The following TRPC4 variants were observed in gnomAD, a reference collection of about 807,000 sequenced individuals.
TRPC4 encodes the protein short transient receptor potential channel 4.
TRPC4 carries 49 observed loss-of-function variants against 99.4 expected under a neutral mutation model. The observed-to-expected ratio is 0.49, with a 90% CI of 0.39 to 0.63. TRPC4 has a LOEUF of 0.63. Ranked by LOEUF, TRPC4 falls within the 20% of genes least tolerant of loss-of-function variation. The probability of loss-of-function intolerance (pLI) is 0.00; values close to 1 mark genes in which losing one functional copy is unlikely to be tolerated. For missense variants in TRPC4, 898 were observed against 1,152.9 expected (o/e 0.78, Z 3.20); for synonymous variants, 454 against 425.9 (o/e 1.07, Z -0.81).
chr13:37,775,447 TG>T (rs1280907161), intron 2 of TRPC4, among the ~76,000 whole-genome samples: 11 of 151,448 alleles, frequency 7.3e-5, no homozygotes, highest in Admixed American at 4.6e-4. Context: ...AGGGTACATG[TG>T]CAGGTTTGTT....
intron 1 of TRPC4, among the ~76,000 whole-genome samples, chr13:37,832,157 GC>G (rs1958439443): frequency 6.6e-6 from 1 of 152,128 alleles, no homozygotes; most frequent in African/African-American, 2.4e-5. Flanking sequence ...ACAAATATAT[GC>G]AATCATTATT....
chr13:37,848,270 T>G (rs1958957948), intron 1 of TRPC4, among the ~76,000 whole-genome samples: 1 of 152,142 alleles, frequency 6.6e-6, no homozygotes. Context: ...ACATTAAATA[T>G]CTTAAATGCA....
At chr13:37,798,352 T>A (rs1299480336) in intron 1 of TRPC4, among the ~76,000 whole-genome samples, 3 of 152,120 alleles carry the variant, frequency 2.0e-5, no homozygotes, top group Admixed American at 6.6e-5. Context: ...AGGAATTAAA[T>A]TACCCAAATC....
chr13:37,769,268 C>T (rs545177988), intron 2 of TRPC4, among the ~76,000 whole-genome samples: 288 of 151,528 alleles, frequency 1.9e-3, no homozygotes, highest in African/African-American at 6.6e-3. Flanking sequence ...AGGTGGCAGT[C>T]TTTTCCTTAA....
intron 1 of TRPC4, among the ~76,000 whole-genome samples, chr13:37,806,446 A>C (rs2139453201): frequency 6.6e-6 from 1 of 152,164 alleles, no homozygotes; most frequent in East Asian, 1.9e-4. Flanking sequence ...AGAAAAACTT[A>C]GCTAAAATGC....
intron 3 of TRPC4, among the ~76,000 whole-genome samples, chr13:37,706,050 C>T (rs1016587607): frequency 5.9e-5 from 9 of 152,130 alleles, no homozygotes; most frequent in Admixed American, 1.3e-4. Context: ...CATACATTTA[C>T]AATTGCACCT....
At chr13:37,684,388 C>A (rs950741222) in intron 4 of TRPC4, among the ~76,000 whole-genome samples, 1 of 151,986 alleles carries the variant, frequency 6.6e-6, no homozygotes, top group Admixed American at 6.6e-5. Context: ...AGAAAGGATG[C>A]CATGTTAGTT....
At chr13:37,690,520 C>G (rs1953649462) in intron 4 of TRPC4, among the ~76,000 whole-genome samples, 1 of 152,132 alleles carries the variant, frequency 6.6e-6, no homozygotes, top group South Asian at 2.1e-4. Context: ...TACTCCAACT[C>G]CTGATCTCAA....
chr13:37,695,728 C>A (rs1162657634), intron 3 of TRPC4, among the ~76,000 whole-genome samples: 1 of 152,182 alleles, frequency 6.6e-6, no homozygotes, highest in African/African-American at 2.4e-5. Flanking sequence ...AAAGTCTGAT[C>A]TCATTATTAT....
At chr13:37,645,448 G>A (rs937373763) in intron 8 of TRPC4, among the ~76,000 whole-genome samples, 1 of 152,082 alleles carries the variant, frequency 6.6e-6, no homozygotes, top group Non-Finnish European at 1.5e-5. Context: ...CTCATTTCAT[G>A]TAGCTAGTCC....
chr13:37,750,235 A>G (rs1566142763), intron 2 of TRPC4, among the ~76,000 whole-genome samples: 2 of 151,996 alleles, frequency 1.3e-5, no homozygotes, highest in Non-Finnish European at 2.9e-5. Context: ...TGACATTTTT[A>G]TGGTTTCCAG....
chr13:37,818,587 A>G (rs57794519), intron 1 of TRPC4, among the ~76,000 whole-genome samples: 43,953 of 152,018 alleles, frequency 0.29, 6,573 homozygotes, highest in East Asian at 0.43. Flanking sequence ...TAAAGAAAAT[A>G]TGGCACATAT....
intron 10 of TRPC4, among the ~76,000 whole-genome samples, chr13:37,638,718 G>A (rs1305168488): frequency 1.3e-5 from 2 of 152,106 alleles, no homozygotes; most frequent in South Asian, 4.1e-4. Flanking sequence ...TGTTGTCAGT[G>A]TGTTAGTTAG....
At chr13:37,693,027 A>C (rs1292296831) in intron 3 of TRPC4, among the ~76,000 whole-genome samples, 1 of 151,884 alleles carries the variant, frequency 6.6e-6, no homozygotes, top group Non-Finnish European at 1.5e-5. Flanking sequence ...GCATCATTCT[A>C]TCCTGACAAC....
At chr13:37,861,231 A>G (rs1041899863) in intron 1 of TRPC4, among the ~76,000 whole-genome samples, 1 of 151,500 alleles carries the variant, frequency 6.6e-6, no homozygotes, top group Non-Finnish European at 1.5e-5. Context: ...CTTTTTCTCA[A>G]TTGGGTTGTA....
At chr13:37,781,066 G>A (rs1956826285) in intron 2 of TRPC4, among the ~76,000 whole-genome samples, 1 of 151,950 alleles carries the variant, frequency 6.6e-6, no homozygotes, top group African/African-American at 2.4e-5. Context: ...CTAGAGTTTA[G>A]TTCAGAAGTT....
At chr13:37,722,298 T>G (rs943991067) in intron 3 of TRPC4, among the ~76,000 whole-genome samples, 21 of 152,120 alleles carry the variant, frequency 1.4e-4, no homozygotes, top group African/African-American at 5.1e-4. Context: ...CACACTGGAG[T>G]CAAATCAATC....
chr13:37,776,678 C>A (rs1218901743), intron 2 of TRPC4, among the ~76,000 whole-genome samples: 1 of 151,884 alleles, frequency 6.6e-6, no homozygotes, highest in Non-Finnish European at 1.5e-5. Flanking sequence ...TATAGACTGT[C>A]TTGGTATACA....
chr13:37,645,840 A>G lies in TRPC4; in HGVS notation c.2079+5425T>C, dbSNP rs190099487. On this transcript the variant is annotated intron_variant, in intron 8 of 10. Transcript: ENST00000379705. ...TGTCAAACCAAATATTCAGGAACTC[A>G]CTCTTGAAATACCAAGAATATCAAG... Among the ~76,000 whole-genome samples the G allele has an allele frequency of 7.9e-4, 121 of 152,318 alleles. 1 individual carries two copies. Among genetic ancestry groups the G allele is most frequent in the Middle Eastern group, 3.4e-3 (1 of 294 alleles).
Sources: gnomAD v4.1 joint callset for allele counts (sites outside exome capture counted in the v4.1 genomes callset) on GRCh38, gnomAD v4.1.1 for gene constraint, MANE v1.5 for transcripts, NCBI Gene and HGNC (gene_info 2026-07-23, HGNC 2026-07-21) for gene names.